Variants in PTPRT observed in about 807,000 individuals in gnomAD.
PTPRT encodes the protein receptor-type tyrosine-protein phosphatase T.
PTPRT carries 56 observed loss-of-function variants against 176.8 expected under a neutral mutation model. The ratio of observed to expected loss-of-function variants is 0.32; its 90% CI spans 0.26 to 0.40. The LOEUF (loss-of-function observed/expected upper bound fraction) is 0.40. Ranked by LOEUF, PTPRT falls within the 10% of genes least tolerant of loss-of-function variation. The probability of loss-of-function intolerance (pLI) is 1.00; values close to 1 mark genes in which losing one functional copy is unlikely to be tolerated. For synonymous variants in PTPRT, 783 were observed against 739.0 expected (o/e 1.06, Z -0.96); for missense variants, 1,540 against 1,908.2 (o/e 0.81, Z 3.60).
At chr20:42,488,602 A>G (rs1331792070) in intron 7 of PTPRT, among the ~76,000 whole-genome samples, 21 of 152,066 alleles carry the variant, frequency 1.4e-4, no homozygotes, top group Admixed American at 1.4e-3. Flanking sequence ...AATTCTTTGT[A>G]TATTCTAGGG....
intron 15 of PTPRT, among the ~76,000 whole-genome samples, chr20:42,201,445 C>A (rs1006261292): frequency 6.6e-6 from 1 of 152,124 alleles, no homozygotes; most frequent in Non-Finnish European, 1.5e-5. Flanking sequence ...GTAGACTTCA[C>A]AGAAGAATGA....
At chr20:42,893,587 A>C (rs1472173017) in intron 1 of PTPRT, among the ~76,000 whole-genome samples, 2 of 152,014 alleles carry the variant, frequency 1.3e-5, no homozygotes, top group African/African-American at 4.8e-5. Flanking sequence ...CACTATTCAC[A>C]ATAGCAAAGA....
intron 1 of PTPRT, among the ~76,000 whole-genome samples, chr20:43,097,087 TG>T (rs1463664419): frequency 6.6e-6 from 1 of 152,242 alleles, no homozygotes; most frequent in Non-Finnish European, 1.5e-5. Flanking sequence ...TGATGAGCGT[TG>T]GCCTCTGCAA....
At chr20:42,561,845 T>G (rs754438586) in intron 7 of PTPRT, among the ~76,000 whole-genome samples, 6 of 152,244 alleles carry the variant, frequency 3.9e-5, no homozygotes, top group Non-Finnish European at 7.3e-5. Context: ...GCTAGATTTC[T>G]GTTGGGACTG....
At chr20:42,054,365 C>G in the PTPRT span, among the ~76,000 whole-genome samples, 1 of 152,268 alleles carries the variant, frequency 6.6e-6, no homozygotes, top group East Asian at 1.9e-4. Context: ...TGAATCCAAG[C>G]TTCTAAGTAG....
chr20:43,051,649 A>AAAAAC (rs869290288), intron 1 of PTPRT, among the ~76,000 whole-genome samples: 2 of 149,914 alleles, frequency 1.3e-5, no homozygotes, highest in African/African-American at 4.9e-5. Context: ...AAAAAAAAAA[A>AAAAAC]TCTACATTAT....
At chr20:42,796,945 T>C (rs1600752638) in intron 2 of PTPRT, among the ~76,000 whole-genome samples, 2 of 152,374 alleles carry the variant, frequency 1.3e-5, no homozygotes, top group African/African-American at 4.8e-5. Flanking sequence ...ACATCTCATA[T>C]TGTGGCCTCA....
At chr20:42,150,103 C>A (rs1423962143) in intron 17 of PTPRT, among the ~76,000 whole-genome samples, 2 of 152,178 alleles carry the variant, frequency 1.3e-5, no homozygotes, top group Non-Finnish European at 1.5e-5. Context: ...TTCTACTGAG[C>A]CAAACCAACA....
At chr20:42,464,285 C>A (rs990311082) in intron 8 of PTPRT, among the ~76,000 whole-genome samples, 1 of 152,164 alleles carries the variant, frequency 6.6e-6, no homozygotes, top group Non-Finnish European at 1.5e-5. Flanking sequence ...TATGGATTAC[C>A]AGAGTGAACA....
At chr20:42,929,821 G>T (rs1306345491) in intron 1 of PTPRT, among the ~76,000 whole-genome samples, 1 of 152,242 alleles carries the variant, frequency 6.6e-6, no homozygotes, top group African/African-American at 2.4e-5. Flanking sequence ...AGCAACTCAA[G>T]AACCCATTCT....
intron 15 of PTPRT, among the ~76,000 whole-genome samples, chr20:42,210,095 C>T (rs2055583265): frequency 6.6e-6 from 1 of 152,202 alleles, no homozygotes; most frequent in Non-Finnish European, 1.5e-5. Context: ...CAAAATTCAA[C>T]AACCCTTCAT....
chr20:42,367,386 T>A (rs1014112381), intron 9 of PTPRT, among the ~76,000 whole-genome samples: 1 of 152,178 alleles, frequency 6.6e-6, no homozygotes, highest in Non-Finnish European at 1.5e-5. Flanking sequence ...GACTCATTCA[T>A]GTGGAGTCAA....
intron 9 of PTPRT, among the ~76,000 whole-genome samples, chr20:42,409,416 A>T (rs759192647): frequency 7.7e-5 from 11 of 142,126 alleles, no homozygotes; most frequent in Non-Finnish European, 9.1e-5. Context: ...CGGGAGGTGG[A>T]AGTTGCAGTG....
At chr20:42,200,494 T>A (rs911676236) in intron 15 of PTPRT, among the ~76,000 whole-genome samples, 1 of 152,130 alleles carries the variant, frequency 6.6e-6, no homozygotes, top group Admixed American at 6.5e-5. Context: ...CACTGTGGGA[T>A]CCCATCTCTC....
chr20:42,950,973 G>T (rs1981201542), intron 1 of PTPRT, among the ~76,000 whole-genome samples: 1 of 152,182 alleles, frequency 6.6e-6, no homozygotes, highest in Non-Finnish European at 1.5e-5. Flanking sequence ...CTTAAAATAA[G>T]AAATAATGTG....
intron 13 of PTPRT, among the ~76,000 whole-genome samples, chr20:42,267,008 C>T (rs1368169611): frequency 6.6e-6 from 1 of 152,094 alleles, no homozygotes; most frequent in Non-Finnish European, 1.5e-5. Context: ...AATTTTGCTG[C>T]ATATAATAAT....
At chr20:42,374,854 C>G (rs909877472) in intron 9 of PTPRT, among the ~76,000 whole-genome samples, 1 of 152,118 alleles carries the variant, frequency 6.6e-6, no homozygotes, top group Non-Finnish European at 1.5e-5. Context: ...CTGGAAGCTT[C>G]TTACAAGAAG....
intron 1 of PTPRT, among the ~76,000 whole-genome samples, chr20:43,078,213 T>C (rs1470637628): frequency 6.6e-6 from 1 of 152,234 alleles, no homozygotes; most frequent in African/African-American, 2.4e-5. Context: ...ATTTTAGCCT[T>C]CTTAACAGTT....
intron 27 of PTPRT, among the ~76,000 whole-genome samples, chr20:42,091,610 T>A (rs1984626799): frequency 6.6e-6 from 1 of 152,238 alleles, no homozygotes; most frequent in South Asian, 2.1e-4. Context: ...GAATTGGTAT[T>A]TTAAAGAGAG....
Sources: allele counts gnomAD v4.1 joint callset (sites outside exome capture counted in the v4.1 genomes callset), GRCh38; gene constraint gnomAD v4.1.1; transcripts MANE v1.5; gene names NCBI Gene and HGNC (gene_info 2026-07-23, HGNC 2026-07-21).